PRKD1: variants seen among roughly 807,000 people sequenced by gnomAD.
The protein encoded by PRKD1 is protein kinase D1.
A neutral mutation model predicts 95.9 loss-of-function variants in PRKD1; 63 were observed. That is an observed-to-expected ratio of 0.66 (90% confidence interval 0.54 to 0.81). PRKD1 has a LOEUF of 0.81. Among genes scored for constraint, PRKD1 ranks in the 30% least tolerant of loss-of-function variants. The pLI, the probability that PRKD1 is intolerant of heterozygous loss-of-function variation, is 0.00. For synonymous variants in PRKD1, 425 were observed against 423.1 expected (o/e 1.00, Z -0.05); for missense variants, 1,048 against 1,165.3 (o/e 0.90, Z 1.47).
At chr14:29,583,426 A>G (rs931188079) in intron 16 of PRKD1, among the ~76,000 whole-genome samples, 2 of 152,108 alleles carry the variant, frequency 1.3e-5, no homozygotes, top group African/African-American at 4.8e-5. Flanking sequence ...TTCCTGAAGG[A>G]CACAGGAGTA....
chr14:29,839,710 G>T (rs1179687246), intron 1 of PRKD1, among the ~76,000 whole-genome samples: 1 of 151,902 alleles, frequency 6.6e-6, no homozygotes, highest in African/African-American at 2.4e-5. Flanking sequence ...CTAGGCAGAG[G>T]TTTCCAAACC....
chr14:29,658,567 C>A (rs1483492595), intron 4 of PRKD1, among the ~76,000 whole-genome samples: 1 of 151,860 alleles, frequency 6.6e-6, no homozygotes. Context: ...ATCTTTTCAT[C>A]CTGTTATCAA....
intron 2 of PRKD1, among the ~76,000 whole-genome samples, chr14:29,669,424 T>C (rs1265948240): frequency 6.6e-6 from 1 of 152,150 alleles, no homozygotes; most frequent in East Asian, 1.9e-4. Context: ...TTGAAGTTTC[T>C]GAAAGCTGTG....
rs969217475 is a variant in PRKD1 at position 29,740,316 on chromosome 14, G to T, written c.265-14642C>A. On this transcript the variant is annotated intron_variant, in intron 1 of 17. Coordinates refer to ENST00000331968, the MANE Select transcript of PRKD1 (RefSeq NM_002742.3). ...TAACAAATTAAAAATAATAGACACA[G>T]GTACTGAACAAAATGAAGGCTATGA... Among the ~76,000 whole-genome samples the T allele has an allele frequency of 7.9e-5, 12 of 152,070 alleles. 1 individual carries two copies. Among genetic ancestry groups the T allele is most frequent in the Admixed American group, 6.6e-4 (10 of 15,260 alleles).
chr14:29,646,661 G>A (rs1004513720), intron 4 of PRKD1, among the ~76,000 whole-genome samples: 1 of 151,464 alleles, frequency 6.6e-6, no homozygotes, highest in Admixed American at 6.6e-5. Context: ...CTCACTTAGG[G>A]ATGATGACCT....
chr14:29,849,608 T>G (rs1442275559), intron 1 of PRKD1, among the ~76,000 whole-genome samples: 2 of 149,972 alleles, frequency 1.3e-5, no homozygotes, highest in Admixed American at 1.3e-4. Flanking sequence ...GAAAACGCCC[T>G]AAACAGATGG....
intron 2 of PRKD1, among the ~76,000 whole-genome samples, chr14:29,714,475 T>C (rs559831257): frequency 2.0e-5 from 3 of 152,268 alleles, no homozygotes; most frequent in Admixed American, 1.3e-4. Flanking sequence ...CTGGAGAGCA[T>C]GTGGAGAAAT....
Position 29,876,238 on chromosome 14 carries a change from T to C in PRKD1, c.264+51011A>G, listed in dbSNP as rs142520599. ...AAAACATGCAGCAATGCGAGACCCA[T>C]GGAGAATTATCTCACTATATGTGGT... On this transcript the variant is annotated intron_variant, in intron 1 of 17. Transcript: ENST00000331968. Among the ~76,000 whole-genome samples, 9 of 152,320 alleles carry C rather than the reference T, an allele frequency of 5.9e-5. No individual in the cohort carries two copies. In the East Asian group the frequency reaches 1.5e-3, roughly 26 times the overall value.
chr14:29,789,624 G>A (rs536656945), intron 1 of PRKD1, among the ~76,000 whole-genome samples: 8 of 152,186 alleles, frequency 5.3e-5, no homozygotes, highest in Non-Finnish European at 1.0e-4. Flanking sequence ...AATGCCAATG[G>A]TGGCAGGCTG....
At chr14:29,844,400 A>G (rs1471537479) in intron 1 of PRKD1, among the ~76,000 whole-genome samples, 1 of 152,240 alleles carries the variant, frequency 6.6e-6, no homozygotes, top group East Asian at 1.9e-4. Context: ...ACTTCTATAT[A>G]GTAAGACAAA....
At chr14:29,738,891 C>T (rs1886861255) in intron 1 of PRKD1, among the ~76,000 whole-genome samples, 1 of 150,480 alleles carries the variant, frequency 6.6e-6, no homozygotes, top group Admixed American at 6.6e-5. Context: ...TGCAGTGATG[C>T]CGCAATCTTG....
chr14:29,751,251 T>C (rs1887466695), intron 1 of PRKD1: 2 of 152,228 alleles, frequency 1.3e-5, no homozygotes, highest in South Asian at 2.1e-4. Flanking sequence ...GTATTTCCAA[T>C]GCTTCTTTGA....
In PRKD1 at chr14:29,577,241, G is replaced by A. The variant is rs1475116; in HGVS notation, c.2736C>T (p.Leu912=). 13 of 1,610,990 alleles carry A rather than the reference G, an allele frequency of 8.1e-6. No homozygotes were observed. Among genetic ancestry groups the A allele is most frequent in the Non-Finnish European group, 9.3e-6 (11 of 1,177,792 alleles). The change falls in exon 18 of 18, where the codon CTC becomes CTT. Residue 912 remains leucine (L), a synonymous_variant. Coordinates refer to ENST00000331968, the MANE Select transcript of PRKD1 (RefSeq NM_002742.3). ...MKALGERVSI[L] ...GACAGATTATAGGAGATGGAACTCAGAGGATGCTGACACGCTCACCGAGGG... is the reference window on the plus strand; with the variant it reads ...GACAGATTATAGGAGATGGAACTCAAAGGATGCTGACACGCTCACCGAGGG...
intron 11 of PRKD1, among the ~76,000 whole-genome samples, chr14:29,627,952 C>CAATCCAAT (rs1879734814): frequency 6.6e-6 from 1 of 152,110 alleles, no homozygotes; most frequent in South Asian, 2.1e-4. Flanking sequence ...ACTCAATGGC[C>CAATCCAAT]GATCCAAAAT....
chr14:29,853,938 G>A (rs1193469787), intron 1 of PRKD1, among the ~76,000 whole-genome samples: 1 of 152,056 alleles, frequency 6.6e-6, no homozygotes, highest in African/African-American at 2.4e-5. Context: ...GCTCCTCCTT[G>A]CTTTCCACAA....
At chr14:29,782,787 C>T (rs76222154) in intron 1 of PRKD1, among the ~76,000 whole-genome samples, 4,510 of 152,206 alleles carry the variant, frequency 0.03, 117 homozygotes, top group Non-Finnish European at 0.05. Context: ...TCAACTAATC[C>T]GCCGCCTTGG....
At chr14:29,918,853 A>G (rs1894983700) in intron 1 of PRKD1, among the ~76,000 whole-genome samples, 2 of 152,246 alleles carry the variant, frequency 1.3e-5, no homozygotes, top group Admixed American at 1.3e-4. Context: ...TGAGAGAATC[A>G]CCTAACTGTA....
intron 1 of PRKD1, among the ~76,000 whole-genome samples, chr14:29,917,941 A>T (rs948254329): frequency 6.6e-6 from 1 of 152,156 alleles, no homozygotes; most frequent in Non-Finnish European, 1.5e-5. Context: ...GATTTTTTTA[A>T]CTTTTATTTT....
intron 2 of PRKD1, among the ~76,000 whole-genome samples, chr14:29,668,778 GGGAGAAGCATA>G (rs1882672237): frequency 6.6e-6 from 1 of 152,170 alleles, no homozygotes; most frequent in Non-Finnish European, 1.5e-5. Flanking sequence ...TTTTGGCAAT[GGGAGAAGCATA>G]AACTCTTGCT....
Sources: allele counts gnomAD v4.1 joint callset (sites outside exome capture counted in the v4.1 genomes callset), GRCh38; gene constraint gnomAD v4.1.1; transcripts MANE v1.5; gene names NCBI Gene and HGNC (gene_info 2026-07-23, HGNC 2026-07-21).